The following FOXK2 variants were observed in gnomAD, a reference collection of about 807,000 sequenced individuals.
FOXK2 encodes the protein forkhead box protein K2.
In FOXK2, 24 loss-of-function variants were observed where a neutral mutation model predicts 53.3. That is an observed-to-expected ratio of 0.45 (90% CI 0.33 to 0.63). The LOEUF (loss-of-function observed/expected upper bound fraction) is 0.63. FOXK2 is among the 30% of genes least tolerant of loss of function. The probability of loss-of-function intolerance (pLI) is 0.03; values close to 1 mark genes in which losing one functional copy is unlikely to be tolerated. For synonymous variants in FOXK2, 505 were observed against 407.1 expected (o/e 1.24, Z -2.89); for missense variants, 952 against 910.5 (o/e 1.05, Z -0.59).
rs1362919176 is a variant in FOXK2 at position 82,587,090 on chromosome 17, G to A, written c.1604G>A (p.Gly535Asp). 6 of 1,612,880 alleles carry A rather than the reference G, an allele frequency of 3.7e-6. No individual in the cohort carries two copies. Among genetic ancestry groups the A allele is most frequent in the Non-Finnish European group, 5.1e-6 (6 of 1,179,980 alleles). The change falls in exon 8 of 9, where the codon GGC becomes GAC. Residue 535 changes from glycine (G) to aspartate (D), a missense_variant. Transcript: ENST00000335255. Reference protein sequence around the residue: ...KVKVEPIPAIGHATLGTASRI... With the variant: ...KVKVEPIPAIDHATLGTASRI... ...AAAGTAGAGCCTATTCCCGCCATTG[G>A]CCACGCCACGCTCGGCACTGCCAGC... is the stretch of plus-strand genomic sequence containing the variant.
intron 4 of FOXK2, among the ~76,000 whole-genome samples, chr17:82,574,083 G>T (rs1315443512): frequency 1.2e-4 from 18 of 152,232 alleles, no homozygotes; most frequent in Admixed American, 1.2e-3. Flanking sequence ...GCTCACGTCG[G>T]CAGGGAATGA....
chr17:82,586,947 T>C (rs1307912184), intron 7 of FOXK2, 116 bp from the exon 8 acceptor site: 3 of 952,586 alleles, frequency 3.1e-6, no homozygotes, highest in African/African-American at 3.3e-5. Flanking sequence ...TTGCTGTTTG[T>C]TTTAGAGACA....
intron 6 of FOXK2, among the ~76,000 whole-genome samples, chr17:82,585,588 C>T (rs1182957022): frequency 6.6e-6 from 1 of 152,172 alleles, no homozygotes; most frequent in Non-Finnish European, 1.5e-5. Context: ...GCGTGAGCCA[C>T]TGCGCCCGGC....
intron 4 of FOXK2, chr17:82,577,346 G>T: frequency 1.4e-6 from 1 of 721,736 alleles, no homozygotes; most frequent in Non-Finnish European, 2.4e-6. Flanking sequence ...TTCATCAGAG[G>T]TGGAGGAGAA....
chr17:82,573,435 G>T (rs879743170), intron 4 of FOXK2, among the ~76,000 whole-genome samples: 2 of 152,004 alleles, frequency 1.3e-5, no homozygotes, highest in Non-Finnish European at 2.9e-5. Context: ...TCCATATTCA[G>T]TTACATGTCA....
chr17:82,592,366 C>A (rs1163951756), intron 8 of FOXK2, among the ~76,000 whole-genome samples: 4 of 152,362 alleles, frequency 2.6e-5, no homozygotes, highest in African/African-American at 9.6e-5. Flanking sequence ...ATGGGGCTCA[C>A]ATGTGTGTCC....
chr17:82,574,553 C>T (rs533054206), intron 4 of FOXK2, among the ~76,000 whole-genome samples: 6 of 152,270 alleles, frequency 3.9e-5, no homozygotes, highest in African/African-American at 1.4e-4. Flanking sequence ...CTCCCGACCT[C>T]GGGTGATCTG....
At chr17:82,521,483 A>AT (rs1279452212) in intron 1 of FOXK2, among the ~76,000 whole-genome samples, 1 of 150,886 alleles carries the variant, frequency 6.6e-6, no homozygotes, top group Non-Finnish European at 1.5e-5. Context: ...ACAAATTGGA[A>AT]TTTTTAACGC....
intron 1 of FOXK2, among the ~76,000 whole-genome samples, chr17:82,558,342 C>T (rs1308240103): frequency 2.6e-5 from 4 of 152,240 alleles, no homozygotes; most frequent in Middle Eastern, 3.4e-3. Flanking sequence ...TGCCTGAAAA[C>T]GAAAAGGAAA....
At chr17:82,587,461 G>T (rs573373354) in intron 8 of FOXK2, 189 bp downstream of exon 8, 3 of 610,756 alleles carry the variant, frequency 4.9e-6, no homozygotes, top group Non-Finnish European at 8.8e-6. Flanking sequence ...TGGGATTCCC[G>T]TGGGAGGACC....
chr17:82,539,982 C>T (rs193057819), intron 1 of FOXK2, among the ~76,000 whole-genome samples: 183 of 143,722 alleles, frequency 1.3e-3, no homozygotes, highest in Admixed American at 5.0e-3. Context: ...AAAAAAATAT[C>T]GATAATTGAA....
At chr17:82,535,710 C>T (rs2044513139) in intron 1 of FOXK2, among the ~76,000 whole-genome samples, 1 of 151,756 alleles carries the variant, frequency 6.6e-6, no homozygotes, top group East Asian at 1.9e-4. Context: ...GGTTCACACA[C>T]ACGTTGTTTT....
chr17:82,601,801 G>A lies in FOXK2; in HGVS notation c.*302G>A. The A allele has an allele frequency of 3.5e-6, 1 of 284,100 alleles. No homozygotes were observed. Among genetic ancestry groups the A allele is most frequent in the Non-Finnish European group, 6.7e-6 (1 of 148,484 alleles). 17.6% of individuals were successfully genotyped at this position (284,100 alleles called of 1,614,324 possible). On this transcript the variant is annotated 3_prime_UTR_variant, in exon 9 of 9. Coordinates refer to ENST00000335255, the MANE Select transcript of FOXK2 (RefSeq NM_004514.4). ...GACCAGGCATCGCTGTGTGAGGACG[G>A]CACGGCCAGCGCCTGCTGTGAGTGG...
chr17:82,569,345 G>C lies in FOXK2; in HGVS notation c.762+1144G>C, dbSNP rs139246228. 1.4e-3 allele frequency among the ~76,000 whole-genome samples: 206 copies of C among 152,340 alleles called. 2 individuals are homozygous for C. Among genetic ancestry groups the C allele is most frequent in the African/African-American group, 4.7e-3 (196 of 41,576 alleles). ...GTCGCGTGTGGTGCTGTTTCTGTCAGGCTTACAATTGGACAGATCTAAGTT... is the reference window on the plus strand; with the variant it reads ...GTCGCGTGTGGTGCTGTTTCTGTCACGCTTACAATTGGACAGATCTAAGTT... On this transcript the variant is annotated intron_variant, in intron 3 of 8. Transcript: ENST00000335255.
intron 1 of FOXK2, among the ~76,000 whole-genome samples, chr17:82,538,500 T>A (rs930479955): frequency 6.6e-6 from 1 of 152,178 alleles, no homozygotes; most frequent in Non-Finnish European, 1.5e-5. Context: ...AAAACAACAT[T>A]AAGCTCATTT....
intron 8 of FOXK2, among the ~76,000 whole-genome samples, chr17:82,596,399 G>A (rs1031393299): frequency 1.3e-5 from 2 of 152,050 alleles, no homozygotes; most frequent in African/African-American, 4.8e-5. Context: ...GGGAGCCTCA[G>A]AGCTTGGTGT....
intron 1 of FOXK2, among the ~76,000 whole-genome samples, chr17:82,550,197 AAC>A (rs144639667): frequency 6.6e-6 from 1 of 150,806 alleles, no homozygotes; most frequent in Non-Finnish European, 1.5e-5. Flanking sequence ...TCTCTAAACA[AAC>A]ACACACACAC....
intron 1 of FOXK2, among the ~76,000 whole-genome samples, chr17:82,560,834 G>A (rs754636241): frequency 3.3e-5 from 5 of 152,152 alleles, no homozygotes; most frequent in African/African-American, 7.2e-5. Context: ...GGTGGCATGC[G>A]CCTCTAGTCC....
intron 1 of FOXK2, among the ~76,000 whole-genome samples, chr17:82,532,165 A>G (rs2144053515): frequency 6.8e-6 from 1 of 146,948 alleles, no homozygotes; most frequent in South Asian, 2.2e-4. Flanking sequence ...TTTTTTTGAG[A>G]TGGAGTTTCG....
Sources: allele counts gnomAD v4.1 joint callset (sites outside exome capture counted in the v4.1 genomes callset), GRCh38; gene constraint gnomAD v4.1.1; transcripts MANE v1.5; gene names NCBI Gene and HGNC (gene_info 2026-07-23, HGNC 2026-07-21).